The following FOXP1 variants were observed in gnomAD, a reference collection of about 807,000 sequenced individuals.
FOXP1 encodes the protein forkhead box P1.
In FOXP1, 15 loss-of-function variants were observed where a neutral mutation model predicts 98.2. The ratio of observed to expected loss-of-function variants is 0.15; its 90% confidence interval spans 0.10 to 0.24. The LOEUF is 0.24. FOXP1 is among the 10% of genes least tolerant of loss of function. The pLI is 1.00. For synonymous variants in FOXP1, 371 were observed against 314.5 expected, an observed-to-expected ratio of 1.18 and a Z score of -1.90; for missense variants, 633 against 848.5, an observed-to-expected ratio of 0.75 and a Z score of 3.15.
intron 2 of FOXP1, among the ~76,000 whole-genome samples, chr3:71,532,284 A>G (rs1260669686): frequency 6.6e-6 from 1 of 152,030 alleles, no homozygotes; most frequent in East Asian, 1.9e-4. Context: ...TTTTGTAGAG[A>G]CGGGGTTTTG....
intron 6 of FOXP1, among the ~76,000 whole-genome samples, chr3:71,119,624 T>C (rs2058617298): frequency 2.0e-5 from 3 of 151,960 alleles, no homozygotes; most frequent in African/African-American, 7.2e-5. Context: ...TCCCCTAAAC[T>C]AGTTTGCTAT....
At chr3:71,099,176 C>T (rs1208384123) in intron 7 of FOXP1, among the ~76,000 whole-genome samples, 1 of 152,148 alleles carries the variant, frequency 6.6e-6, no homozygotes, top group African/African-American at 2.4e-5. Flanking sequence ...ACCTAGTGAA[C>T]TAAATATAAC....
chr3:71,074,384 G>A (rs1311009209), intron 7 of FOXP1, among the ~76,000 whole-genome samples: 2 of 151,992 alleles, frequency 1.3e-5, no homozygotes, highest in South Asian at 2.1e-4. Flanking sequence ...CTGCCTCCAC[G>A]CCCGGCTAAT....
At chr3:71,470,026 T>C (rs1015918870) in intron 3 of FOXP1, among the ~76,000 whole-genome samples, 1 of 151,962 alleles carries the variant, frequency 6.6e-6, no homozygotes, top group Non-Finnish European at 1.5e-5. Context: ...TGCCTCCTGA[T>C]TTCAAAATAT....
At chr3:71,151,326 C>T (rs997922932) in intron 6 of FOXP1, among the ~76,000 whole-genome samples, 5 of 152,172 alleles carry the variant, frequency 3.3e-5, no homozygotes, top group Admixed American at 2.6e-4. Context: ...TGGCAGCTTT[C>T]ACTACGCGCG....
chr3:71,105,134 G>C (rs951949868), intron 7 of FOXP1, among the ~76,000 whole-genome samples: 5 of 152,170 alleles, frequency 3.3e-5, no homozygotes, highest in Non-Finnish European at 7.4e-5. Context: ...TGGTGACAGA[G>C]TCCCATGATG....
chr3:71,347,775 C>T (rs146290797), intron 4 of FOXP1, among the ~76,000 whole-genome samples: 25,807 of 151,874 alleles, frequency 0.17, 2,493 homozygotes, highest in Non-Finnish European at 0.22. Flanking sequence ...ATTCCAGCTA[C>T]TCGGAGGGCT....
At position 70,988,084 on chromosome 3, in the gene FOXP1, A is replaced by G. The variant is rs2107494571; in HGVS notation, c.1063-7T>C. 6.2e-7 allele frequency: 1 copy of G among 1,613,648 alleles called. No homozygotes were observed. The highest frequency in any genetic ancestry group is 8.5e-7 in the Non-Finnish European group (1 of 1,179,528). ...GTTCTTTGTCTTTTGCAAGCTGGCAAGAAGAAAATGCTTTGTTATTTCTCT... is the reference window on the plus strand; with the variant it reads ...GTTCTTTGTCTTTTGCAAGCTGGCAGGAAGAAAATGCTTTGTTATTTCTCT... On this transcript the variant is annotated splice_polypyrimidine_tract_variant and splice_region_variant and intron_variant, in intron 13 of 20. Transcript: ENST00000649528.
At chr3:70,963,671 T>A (rs2034093112) in intron 20 of FOXP1, among the ~76,000 whole-genome samples, 1 of 152,198 alleles carries the variant, frequency 6.6e-6, no homozygotes, top group Admixed American at 6.5e-5. Flanking sequence ...CACAAGAGTT[T>A]TAAAATAAAG....
chr3:70,979,272 T>A, intron 14 of FOXP1, among the ~76,000 whole-genome samples: 1 of 73,936 alleles, frequency 1.4e-5, no homozygotes, highest in Non-Finnish European at 2.3e-5. Flanking sequence ...AGAGTGAGAC[T>A]CTACCTCAAA....
intron 4 of FOXP1, among the ~76,000 whole-genome samples, chr3:71,337,388 G>A (rs1259139109): frequency 6.6e-6 from 1 of 152,178 alleles, no homozygotes; most frequent in African/African-American, 2.4e-5. Context: ...GCAGTGCTCA[G>A]TAGACAATGG....
At chr3:71,052,349 G>A (rs1451796849) in intron 9 of FOXP1, among the ~76,000 whole-genome samples, 188 bp downstream of exon 9, 1 of 152,128 alleles carries the variant, frequency 6.6e-6, no homozygotes, top group East Asian at 1.9e-4. Context: ...TATAAAATAT[G>A]TGGCAGCAAG....
chr3:71,503,033 C>T (rs1233007736), intron 2 of FOXP1, among the ~76,000 whole-genome samples: 1 of 150,020 alleles, frequency 6.7e-6, no homozygotes, highest in Non-Finnish European at 1.5e-5. Context: ...AAAAGCCTTC[C>T]ATTATTGGAA....
chr3:71,280,184 C>G (rs549239462), intron 5 of FOXP1, among the ~76,000 whole-genome samples: 1 of 149,718 alleles, frequency 6.7e-6, no homozygotes, highest in East Asian at 1.9e-4. Flanking sequence ...TTAAATTGTT[C>G]TAATGGGTAC....
chr3:71,493,940 C>CA (rs994775019), intron 2 of FOXP1, among the ~76,000 whole-genome samples: 3 of 151,092 alleles, frequency 2.0e-5, no homozygotes, highest in African/African-American at 7.3e-5. Context: ...TTTCGAAGAA[C>CA]AAAAAAAGTA....
intron 20 of FOXP1, among the ~76,000 whole-genome samples, chr3:70,959,964 T>G (rs546880342): frequency 2.0e-5 from 3 of 152,004 alleles, no homozygotes; most frequent in Non-Finnish European, 2.9e-5. Context: ...TTACACGAAA[T>G]AAGAATCTGT....
intron 7 of FOXP1, among the ~76,000 whole-genome samples, chr3:71,105,732 A>G (rs1259694254): frequency 6.6e-6 from 1 of 152,120 alleles, no homozygotes; most frequent in Non-Finnish European, 1.5e-5. Flanking sequence ...GCTGTTGTTG[A>G]TCACCTTTCT....
intron 18 of FOXP1, chr3:70,971,904 G>C: frequency 1.2e-6 from 1 of 827,046 alleles, no homozygotes; most frequent in Non-Finnish European, 1.7e-6. Flanking sequence ...GTTGCAGAAA[G>C]CTGTGGCACT....
chr3:71,412,727 T>C (rs879820346), intron 3 of FOXP1, among the ~76,000 whole-genome samples: 18 of 152,170 alleles, frequency 1.2e-4, no homozygotes, highest in Non-Finnish European at 2.2e-4. Flanking sequence ...CTTCACATCT[T>C]GTGAACTCCA....
Sources: allele counts gnomAD v4.1 joint callset (sites outside exome capture counted in the v4.1 genomes callset), GRCh38; gene constraint gnomAD v4.1.1; transcripts MANE v1.5; gene names NCBI Gene and HGNC (gene_info 2026-07-23, HGNC 2026-07-21).